Variants in PAPPA2 observed in about 807,000 individuals in gnomAD.
PAPPA2 encodes pappalysin-2.
PAPPA2 carries 86 observed loss-of-function variants against 176.4 expected under a neutral mutation model. The ratio of observed to expected loss-of-function variants is 0.49; its 90% CI spans 0.41 to 0.58. The LOEUF (loss-of-function observed/expected upper bound fraction) is 0.58. Ranked by LOEUF, PAPPA2 falls within the 20% of genes least tolerant of loss-of-function variation. The pLI is 0.00. For missense variants in PAPPA2, 2,073 were observed against 2,256.9 expected, an observed-to-expected ratio of 0.92 and a Z score of 1.65; for synonymous variants, 809 against 852.2, an observed-to-expected ratio of 0.95 and a Z score of 0.88.
Position 176,556,888 on chromosome 1 carries a change from G to A in PAPPA2, c.566G>A (p.Arg189Lys). 2 of 1,614,170 alleles carry A rather than the reference G, an allele frequency of 1.2e-6. No individual in the cohort carries two copies. The highest frequency in any genetic ancestry group is 1.7e-6 in the Non-Finnish European group (2 of 1,180,042). Residue 189 changes from arginine (R) to lysine (K), a missense_variant, in exon 2 of 23, where the codon AGG (arginine) becomes AAG (lysine). Around this residue, in one of 4 missense-constraint regions of PAPPA2, gnomAD observed 1,196 missense variants for 1,330.4 expected, o/e 0.90. Transcript: ENST00000367662. ...TLNEPKPETQ[R>K]RGWAKSRQRR... Reference sequence around the variant, plus strand: ...AACGAACCCAAACCAGAGACCCAAAGGAGGGGCTGGGCCAAGTCCAGGCAG... The same window carrying A: ...AACGAACCCAAACCAGAGACCCAAAAGAGGGGCTGGGCCAAGTCCAGGCAG...
chr1:176,710,224 G>A, intron 11 of PAPPA2, 48 bp downstream of exon 11: 1 of 1,536,500 alleles, frequency 6.5e-7, no homozygotes, highest in Non-Finnish European at 8.9e-7. Context: ...AAATTGTAAA[G>A]TGACTCCCCC....
In PAPPA2 at chr1:176,723,394, A is replaced by T. The variant is rs1661714932; in HGVS notation, c.3798+11413A>T. Among the ~76,000 whole-genome samples the T allele has an allele frequency of 3.3e-5, 5 of 152,218 alleles. No homozygotes were observed. The South Asian group carries it at 1.0e-3, about 31-fold the overall frequency. ...ATAATTGAAAGTTCAGTTAATATAT[A>T]AGACCTGTTAAGAAAATGTAGTCTT... is the stretch of plus-strand genomic sequence containing the variant. On this transcript the variant is annotated intron_variant, in intron 12 of 22. Coordinates refer to ENST00000367662, the MANE Select transcript of PAPPA2 (RefSeq NM_020318.3).
rs181072760 is a variant in PAPPA2 at position 176,697,153 on chromosome 1, G to A, written c.2746+1294G>A. Reference sequence around the variant, plus strand: ...GGGGAAAAATCAGTTATCTGAGAGAGGTAAAAGGAATTAGAAGTTCTACGT... The same window carrying A: ...GGGGAAAAATCAGTTATCTGAGAGAAGTAAAAGGAATTAGAAGTTCTACGT... On this transcript the variant is annotated intron_variant, in intron 7 of 22. Coordinates refer to ENST00000367662, the MANE Select transcript of PAPPA2 (RefSeq NM_020318.3). Among the ~76,000 whole-genome samples, 18 of 152,124 alleles carry A rather than the reference G, an allele frequency of 1.2e-4. No individual in the cohort carries two copies. The East Asian group carries it at 3.3e-3, about 28-fold the overall frequency.
intron 17 of PAPPA2, among the ~76,000 whole-genome samples, chr1:176,773,260 C>T (rs191442637): frequency 4.5e-4 from 69 of 152,268 alleles, no homozygotes; most frequent in African/African-American, 6.7e-4. Context: ...TAGCAGGTGG[C>T]GGATTGGTAA....
chr1:176,596,826 G>C (rs957565331), intron 3 of PAPPA2, among the ~76,000 whole-genome samples: 4 of 152,346 alleles, frequency 2.6e-5, no homozygotes, highest in East Asian at 3.9e-4. Context: ...GGACATAATA[G>C]AGGAGGGTAA....
chr1:176,825,548 G>T (rs1666824787), intron 21 of PAPPA2, among the ~76,000 whole-genome samples: 1 of 152,172 alleles, frequency 6.6e-6, no homozygotes, highest in South Asian at 2.1e-4. Flanking sequence ...GGTTATGGGG[G>T]TCGTTAGAAG....
At chr1:176,545,355 A>G (rs567700868) in intron 1 of PAPPA2, among the ~76,000 whole-genome samples, 2 of 152,118 alleles carry the variant, frequency 1.3e-5, no homozygotes, top group African/African-American at 4.8e-5. Context: ...AAGACCAAAT[A>G]TAGTCGCCTT....
intron 3 of PAPPA2, among the ~76,000 whole-genome samples, chr1:176,652,372 G>A (rs1222958748): frequency 2.0e-5 from 3 of 151,540 alleles, no homozygotes; most frequent in Non-Finnish European, 4.4e-5. Flanking sequence ...TTTCCACTAG[G>A]TTGCTGCCTC....
chr1:176,581,161 A>AT (rs1348424864), intron 2 of PAPPA2, among the ~76,000 whole-genome samples: 2 of 152,030 alleles, frequency 1.3e-5, no homozygotes, highest in African/African-American at 4.8e-5. Flanking sequence ...TGGGAGTCTA[A>AT]TTTCCTTGTT....
intron 1 of PAPPA2, among the ~76,000 whole-genome samples, chr1:176,474,497 C>G (rs1652025609): frequency 6.6e-6 from 1 of 152,198 alleles, no homozygotes; most frequent in Non-Finnish European, 1.5e-5. Context: ...CTCTGCCATA[C>G]TCTATCAGAT....
At chr1:176,558,505 G>C (rs1470469659) in intron 2 of PAPPA2, among the ~76,000 whole-genome samples, 4 of 152,188 alleles carry the variant, frequency 2.6e-5, no homozygotes, top group Non-Finnish European at 5.9e-5. Flanking sequence ...TCCTTCGGAA[G>C]CTGGGATTCC....
At chr1:176,789,729 T>C (rs967566160) in intron 17 of PAPPA2, 80 bp from the exon 18 acceptor site, 18 of 1,478,100 alleles carry the variant, frequency 1.2e-5, no homozygotes, top group Non-Finnish European at 1.5e-5. Flanking sequence ...CTAATTCTTA[T>C]GCCATATTGC....
At position 176,555,220 on chromosome 1, in the gene PAPPA2, G is replaced by A. The variant is rs531847147; in HGVS notation, c.-916-187G>A. Among the ~76,000 whole-genome samples the A allele has an allele frequency of 4.5e-4, 68 of 152,224 alleles. 1 individual carries two copies. The South Asian group carries it at 0.013, about 30-fold the overall frequency. On this transcript the variant is annotated intron_variant, in intron 1 of 22. Transcript: ENST00000367662. ...GACAGGGAGGAGTAGGTGGAGTGAT[G>A]CATTGAACTTACTAGCTTTGACATC...
chr1:176,557,072 A>G lies in PAPPA2; in HGVS notation c.750A>G (p.Glu250=). 1.2e-6 allele frequency: 2 copies of G among 1,613,844 alleles called. No individual in the cohort carries two copies. Among genetic ancestry groups the G allele is most frequent in the Non-Finnish European group, 1.7e-6 (2 of 1,179,970 alleles). ...NQNGGEGSYR[E]AETFNSQVGL... ...ATGGTGGAGAGGGCTCCTACCGAGA[A>G]GCAGAGACCTTTAACTCCCAAGTAG... The change falls in exon 2 of 23, where the codon GAA becomes GAG. Residue 250 remains glutamate (E), a synonymous_variant. Transcript: ENST00000367662.
At chr1:176,789,708 C>T in intron 17 of PAPPA2, 101 bp from the exon 18 acceptor site, 1 of 1,329,022 alleles carries the variant, frequency 7.5e-7, no homozygotes, top group Non-Finnish European at 1.1e-6. Flanking sequence ...CCATCTGTCC[C>T]TGCCTATTTG....
chr1:176,502,186 C>T (rs1455607878), intron 1 of PAPPA2, among the ~76,000 whole-genome samples: 1 of 152,128 alleles, frequency 6.6e-6, no homozygotes. Context: ...TCTGCACCAC[C>T]CTTTCAGAAT....
At position 176,595,105 on chromosome 1, in the gene PAPPA2, C is replaced by A; in HGVS notation, c.1501C>A (p.Gln501Lys). The A allele has an allele frequency of 1.2e-6, 2 of 1,614,146 alleles. No individual in the cohort carries two copies. Among genetic ancestry groups the A allele is most frequent in the Admixed American group, 1.7e-5 (1 of 60,034 alleles). Residue 501 changes from glutamine (Q) to lysine (K), a missense_variant, in exon 3 of 23, where the codon CAA (glutamine) becomes AAA (lysine). Coordinates refer to ENST00000367662, the MANE Select transcript of PAPPA2 (RefSeq NM_020318.3). ...LSPLQPPLCG[Q>K]TVCDNVELIS... ...GCCTTTGCAGCCCCCACTCTGTGGG[C>A]AAACAGTCTGTGACAATGTGGAATT... is the stretch of plus-strand genomic sequence containing the variant.
At chr1:176,497,340 A>G (rs1473202877) in intron 1 of PAPPA2, among the ~76,000 whole-genome samples, 1 of 152,162 alleles carries the variant, frequency 6.6e-6, no homozygotes, top group Non-Finnish European at 1.5e-5. Flanking sequence ...TTCTCTGTAC[A>G]TGTTTCTGGG....
At chr1:176,475,696 C>A (rs1283418723) in intron 1 of PAPPA2, among the ~76,000 whole-genome samples, 1 of 152,116 alleles carries the variant, frequency 6.6e-6, no homozygotes, top group Non-Finnish European at 1.5e-5. Context: ...AAGAAAATAA[C>A]CCAACATTTT....
Sources: allele counts gnomAD v4.1 joint callset (sites outside exome capture counted in the v4.1 genomes callset), GRCh38; gene constraint gnomAD v4.1.1; regional missense constraint gnomAD v4.1.1; transcripts MANE v1.5; gene names NCBI Gene and HGNC (gene_info 2026-07-23, HGNC 2026-07-21).